Variants in ZNF407 observed in about 807,000 individuals in gnomAD.
ZNF407 encodes the protein zinc finger protein 407.
ZNF407 carries 17 observed loss-of-function variants against 131.2 expected under a neutral mutation model. The ratio of observed to expected loss-of-function variants is 0.13; its 90% confidence interval spans 0.09 to 0.19. The LOEUF (loss-of-function observed/expected upper bound fraction) is 0.19, where lower values mean the gene tolerates loss of function less well. Ranked by LOEUF, ZNF407 falls within the 10% of genes least tolerant of loss-of-function variation. The pLI is 1.00. For missense variants in ZNF407, 2,681 were observed against 2,830.6 expected (o/e 0.95, Z 1.20); for synonymous variants, 1,156 against 1,062.0 (o/e 1.09, Z -1.72).
chr18:75,060,507 CTTTT>C (rs564194650), intron 8 of ZNF407, among the ~76,000 whole-genome samples: 2 of 124,460 alleles, frequency 1.6e-5, no homozygotes, highest in Admixed American at 8.7e-5. Flanking sequence ...TTCTTTTTTT[CTTTT>C]TTTTTTTTTT....
intron 3 of ZNF407, among the ~76,000 whole-genome samples, chr18:74,643,786 A>G (rs537359798): frequency 6.6e-6 from 1 of 152,038 alleles, no homozygotes; most frequent in South Asian, 2.1e-4. Flanking sequence ...TGTGTTTTTC[A>G]TTAACACGTA....
chr18:74,854,785 G>A (rs1970836049), intron 4 of ZNF407, among the ~76,000 whole-genome samples: 1 of 152,084 alleles, frequency 6.6e-6, no homozygotes, highest in Non-Finnish European at 1.5e-5. Flanking sequence ...TAGCACCCAT[G>A]CAGCTTAAGA....
chr18:74,981,695 C>T (rs1007130887), intron 8 of ZNF407, among the ~76,000 whole-genome samples: 2 of 152,150 alleles, frequency 1.3e-5, no homozygotes, highest in African/African-American at 4.8e-5. Context: ...GCGGCGTGGA[C>T]CAGCCAAGCC....
chr18:74,900,132 C>T (rs931777617), intron 7 of ZNF407, among the ~76,000 whole-genome samples: 1 of 152,190 alleles, frequency 6.6e-6, no homozygotes, highest in Non-Finnish European at 1.5e-5. Flanking sequence ...TTCGTGATGG[C>T]TAGTACAGTG....
intron 3 of ZNF407, among the ~76,000 whole-genome samples, chr18:74,661,860 AT>A (rs1408171133): frequency 6.6e-6 from 1 of 152,064 alleles, no homozygotes; most frequent in Admixed American, 6.5e-5. Flanking sequence ...GGCCATTTTG[AT>A]ATAGCTGTTT....
At chr18:74,598,575 T>C (rs899447261) in intron 1 of ZNF407, 1 of 152,368 alleles carries the variant, frequency 6.6e-6, no homozygotes, top group Non-Finnish European at 1.5e-5. Context: ...ACTCGCGCCT[T>C]CTTCCGTTAA....
chr18:74,804,638 A>G (rs1970081181), intron 4 of ZNF407: 23 of 977,014 alleles, frequency 2.4e-5, no homozygotes, highest in Non-Finnish European at 2.8e-5. Context: ...GCCAGTCTCT[A>G]AAACGTCTGA....
chr18:74,674,659 G>GC (rs1300138121), intron 3 of ZNF407, among the ~76,000 whole-genome samples: 10 of 152,106 alleles, frequency 6.6e-5, no homozygotes, highest in Non-Finnish European at 1.3e-4. Flanking sequence ...CCAGGGCTTG[G>GC]CTCTGGGATC....
intron 4 of ZNF407, among the ~76,000 whole-genome samples, chr18:74,851,497 G>A (rs1188880704): frequency 1.3e-5 from 2 of 152,094 alleles, no homozygotes; most frequent in Admixed American, 1.3e-4. Context: ...CAGAAACTTG[G>A]GAGTATGGCC....
chr18:74,709,356 C>A (rs1967702767), intron 3 of ZNF407, among the ~76,000 whole-genome samples: 1 of 152,136 alleles, frequency 6.6e-6, no homozygotes, highest in African/African-American at 2.4e-5. Context: ...ATTTAAAAAT[C>A]CATAATGTAT....
intron 8 of ZNF407, among the ~76,000 whole-genome samples, chr18:74,928,580 G>A (rs997121848): frequency 6.6e-6 from 1 of 152,172 alleles, no homozygotes; most frequent in African/African-American, 2.4e-5. Flanking sequence ...AATATATTTT[G>A]GAGGTAAAAT....
At position 74,763,740 on chromosome 18, in the gene ZNF407, C is replaced by T. The variant is rs1427374879; in HGVS notation, c.4803-17688C>T. On this transcript the variant is annotated intron_variant, in intron 3 of 8. Transcript: ENST00000299687. The stretch of plus-strand genomic sequence containing the variant: ...TTTTTTTTTTTTTGAGACGGAGTCT[C>T]GCTCTGTCGCCCAGGCTGGAGGGCA... 7.1e-5 allele frequency among the ~76,000 whole-genome samples: 9 copies of T among 127,424 alleles called. No individual in the cohort carries two copies. In the Admixed American group the frequency reaches 8.1e-4, roughly 11 times the overall value. 83.6% of individuals were successfully genotyped at this position (127,424 alleles called of 152,430 possible).
intron 1 of ZNF407, among the ~76,000 whole-genome samples, chr18:74,603,596 CTT>C (rs925621981): frequency 3.9e-5 from 6 of 152,218 alleles, no homozygotes; most frequent in Non-Finnish European, 8.8e-5. Context: ...GTAGCTTAGG[CTT>C]AGGTCTCCTA....
At chr18:74,807,627 G>A (rs1970131399) in intron 4 of ZNF407, among the ~76,000 whole-genome samples, 1 of 152,126 alleles carries the variant, frequency 6.6e-6, no homozygotes, top group Non-Finnish European at 1.5e-5. Context: ...AGTAATATTT[G>A]TACCACTTTA....
chr18:74,692,376 G>A (rs980671244), intron 3 of ZNF407, among the ~76,000 whole-genome samples: 1 of 151,990 alleles, frequency 6.6e-6, no homozygotes, highest in African/African-American at 2.4e-5. Context: ...TTATTGGTTG[G>A]CTCCCAGCTT....
chr18:74,668,247 A>C (rs954069143), intron 3 of ZNF407, among the ~76,000 whole-genome samples: 23 of 152,218 alleles, frequency 1.5e-4, no homozygotes, highest in African/African-American at 5.5e-4. Context: ...AGTTGGCTTC[A>C]GGCTATGTGT....
intron 3 of ZNF407, among the ~76,000 whole-genome samples, chr18:74,739,810 A>G (rs1968506736): frequency 6.6e-6 from 1 of 152,212 alleles, no homozygotes; most frequent in Non-Finnish European, 1.5e-5. Flanking sequence ...CCCAACTTGT[A>G]TGACATTCTG....
At chr18:75,017,793 C>G (rs1267827479) in intron 8 of ZNF407, among the ~76,000 whole-genome samples, 1 of 152,152 alleles carries the variant, frequency 6.6e-6, no homozygotes, top group African/African-American at 2.4e-5. Context: ...CTGCTCCTGT[C>G]TCTTTTTAGT....
chr18:74,816,798 G>A (rs1007232378), intron 4 of ZNF407, among the ~76,000 whole-genome samples: 7 of 151,868 alleles, frequency 4.6e-5, no homozygotes, highest in East Asian at 3.9e-4. Flanking sequence ...CAATATTTGC[G>A]TCAATAAAGA....
Sources: allele counts gnomAD v4.1 joint callset (sites outside exome capture counted in the v4.1 genomes callset), GRCh38; gene constraint gnomAD v4.1.1; transcripts MANE v1.5; gene names NCBI Gene and HGNC (gene_info 2026-07-23, HGNC 2026-07-21).